Variants in MORN5 observed in about 807,000 individuals in gnomAD.
MORN5 encodes MORN repeat-containing protein 5.
A neutral mutation model predicts 22.1 loss-of-function variants in MORN5; 21 were observed. That is an observed-to-expected ratio of 0.95 (90% CI 0.67 to 1.37). MORN5 has a LOEUF of 1.37. Among genes scored for constraint, MORN5 ranks in the 40% most tolerant of loss-of-function variants. MORN5 has a pLI of 0.00. For missense variants in MORN5, 211 were observed against 215.1 expected (o/e 0.98, Z 0.12); for synonymous variants, 73 against 74.0 (o/e 0.99, Z 0.07).
chr9:122,166,931 GA>G lies in MORN5; in HGVS notation c.195+17del. On this transcript the variant is annotated intron_variant, in intron 2 of 4. Transcript: ENST00000373764. ...GGCCATAAAGGTGATCAGCTGGGGG[GA>G]CGGATGCTGTGGAGGAGAGATCCTC... The G allele has an allele frequency of 2.5e-6, 4 of 1,610,172 alleles. No individual in the cohort carries two copies. Among genetic ancestry groups the G allele is most frequent in the South Asian group, 1.1e-5 (1 of 90,314 alleles).
intron 4 of MORN5, among the ~76,000 whole-genome samples, chr9:122,179,632 G>A (rs753847737): frequency 1.3e-5 from 2 of 152,174 alleles, no homozygotes; most frequent in African/African-American, 2.4e-5. Context: ...TTAAGTAAGA[G>A]TCTATGATGG....
rs1223151326 is a variant in MORN5 at position 122,197,819 on chromosome 9, C to G, written c.440-2066C>G. On this transcript the variant is annotated intron_variant, in intron 4 of 4. Transcript: ENST00000373764. This position sits in a 1 kb window ranked among gnomAD's most constrained non-coding sequence, Gnocchi z 5.7. ...CTGCTCACAGTGTGGCAAAAGTGGG[C>G]TCCACCAGCGCTTAACTCCTTGTGT... Among the ~76,000 whole-genome samples the G allele has an allele frequency of 6.6e-6, 1 of 152,206 alleles. No homozygotes were observed.
rs193127611 is a variant in MORN5, at chr9:122,173,918, G to A, written c.308-578G>A. On this transcript the variant is annotated intron_variant, in intron 3 of 4. Transcript: ENST00000373764. ...GAGCTGCTCTCAGGATTAAATAAAA[G>A]AGGAGCACAATGCCTGGCACATAAT... is the stretch of plus-strand genomic sequence containing the variant. Among the ~76,000 whole-genome samples the A allele has an allele frequency of 1.1e-4, 16 of 152,352 alleles. No individual in the cohort carries two copies. The East Asian group carries it at 2.9e-3, about 28-fold the overall frequency.
At chr9:122,199,247 G>GGCCTCTGTGA (rs1460472495) in intron 4 of MORN5, among the ~76,000 whole-genome samples, 2 of 152,150 alleles carry the variant, frequency 1.3e-5, no homozygotes, top group Non-Finnish European at 2.9e-5. Flanking sequence ...CAAGTGCCTC[G>GGCCTCTGTGA]GCCTCTGTGA....
intron 1 of MORN5, among the ~76,000 whole-genome samples, chr9:122,162,288 A>T (rs1258568087): frequency 2.0e-5 from 3 of 152,190 alleles, no homozygotes; most frequent in African/African-American, 7.2e-5. Context: ...TAGGGAGGGG[A>T]TATTTTCCTC....
rs894913805 is a variant in MORN5 at position 122,166,928 on chromosome 9, G to T, written c.195+13G>T. 1.2e-6 allele frequency: 2 copies of T among 1,611,290 alleles called. No individual in the cohort carries two copies. The highest frequency in any genetic ancestry group is 1.7e-6 in the Non-Finnish European group (2 of 1,178,656). On this transcript the variant is annotated intron_variant, in intron 2 of 4. Transcript: ENST00000373764. ...ATTGGCCATAAAGGTGATCAGCTGGGGGGACGGATGCTGTGGAGGAGAGAT... is the reference window on the plus strand; with the variant it reads ...ATTGGCCATAAAGGTGATCAGCTGGTGGGACGGATGCTGTGGAGGAGAGAT...
intron 4 of MORN5, among the ~76,000 whole-genome samples, chr9:122,188,847 C>T (rs1829698340): frequency 6.6e-6 from 1 of 152,216 alleles, no homozygotes; most frequent in Non-Finnish European, 1.5e-5. Context: ...TCCTCTCCAT[C>T]CCTGTGTGCC....
At chr9:122,179,294 G>A (rs1452480656) in intron 4 of MORN5, among the ~76,000 whole-genome samples, 4 of 152,192 alleles carry the variant, frequency 2.6e-5, no homozygotes, top group South Asian at 4.1e-4. Context: ...TTCACCCTAA[G>A]GCAGTGGGGA....
At chr9:122,188,132 GGA>G (rs1829678703) in intron 4 of MORN5, among the ~76,000 whole-genome samples, 1 of 152,220 alleles carries the variant, frequency 6.6e-6, no homozygotes, top group African/African-American at 2.4e-5. Context: ...AGTGTGGGCT[GGA>G]GAGAGCCTTG....
intron 3 of MORN5, among the ~76,000 whole-genome samples, chr9:122,171,977 C>CA (rs1829372691): frequency 9.7e-6 from 1 of 103,598 alleles, no homozygotes; most frequent in South Asian, 3.4e-4. Flanking sequence ...TTTTTTGAGA[C>CA]AGAGTCTTGC....
intron 2 of MORN5, among the ~76,000 whole-genome samples, chr9:122,169,076 G>A (rs137947992): frequency 0.01 from 1,539 of 152,244 alleles, 21 homozygotes; most frequent in African/African-American, 0.035. Flanking sequence ...GGGAATTGGC[G>A]CTTCCTCTGC....
At chr9:122,164,646 A>C in intron 1 of MORN5, 2 of 985,448 alleles carry the variant, frequency 2.0e-6, no homozygotes, top group Non-Finnish European at 2.4e-6. Context: ...GTCCAGTTCA[A>C]GGTAAGAAAA....
At chr9:122,174,120 C>A (rs1829408029) in intron 3 of MORN5, among the ~76,000 whole-genome samples, 1 of 152,238 alleles carries the variant, frequency 6.6e-6, no homozygotes, top group African/African-American at 2.4e-5. Context: ...TCTGCCCACG[C>A]TTTGAATGCC....
chr9:122,182,926 C>T (rs1451478281), intron 4 of MORN5, among the ~76,000 whole-genome samples: 1 of 152,198 alleles, frequency 6.6e-6, no homozygotes, highest in Non-Finnish European at 1.5e-5. Flanking sequence ...CTTCCCAAAG[C>T]CTGTCCTTTT....
intron 4 of MORN5, among the ~76,000 whole-genome samples, chr9:122,199,650 C>G (rs773459589): frequency 3.3e-5 from 5 of 152,162 alleles, no homozygotes; most frequent in Non-Finnish European, 2.9e-5. Context: ...ACTCCTCATG[C>G]TTGCCTCCGC....
intron 4 of MORN5, among the ~76,000 whole-genome samples, chr9:122,198,684 G>A (rs1829948095): frequency 1.3e-5 from 2 of 152,222 alleles, no homozygotes; most frequent in South Asian, 2.1e-4. Flanking sequence ...CTGTGAAGGA[G>A]TGTGGCCAAG....
At chr9:122,190,734 C>T (rs965171288) in intron 4 of MORN5, among the ~76,000 whole-genome samples, 11 of 152,268 alleles carry the variant, frequency 7.2e-5, no homozygotes, top group African/African-American at 2.7e-4. Context: ...AATGACTCCT[C>T]AGTCAATATT....
chr9:122,195,382 G>A (rs1172242063), intron 4 of MORN5, among the ~76,000 whole-genome samples: 8 of 152,182 alleles, frequency 5.3e-5, no homozygotes, highest in Non-Finnish European at 4.4e-5. Flanking sequence ...TTTTACAGAT[G>A]CCTTTTCCTA....
chr9:122,169,630 C>G lies in MORN5; in HGVS notation c.196-15C>G. On this transcript the variant is annotated splice_polypyrimidine_tract_variant and intron_variant, in intron 2 of 4. Transcript: ENST00000373764. The stretch of plus-strand genomic sequence containing the variant: ...CAGCTTCCTCAGATGCACGTGTGTG[C>G]TCCTTGTCTTCCAGGGCACATATAC... 1.9e-6 allele frequency: 3 copies of G among 1,591,396 alleles called. No individual in the cohort carries two copies. The highest frequency in any genetic ancestry group is 2.6e-6 in the Non-Finnish European group (3 of 1,159,332).
Sources: allele counts gnomAD v4.1 joint callset (sites outside exome capture counted in the v4.1 genomes callset), GRCh38; gene constraint gnomAD v4.1.1; non-coding constraint Gnocchi (gnomAD v3.1); transcripts MANE v1.5; gene names NCBI Gene and HGNC (gene_info 2026-07-23, HGNC 2026-07-21).